The following TENM3 variants were observed in gnomAD, a reference collection of about 807,000 sequenced individuals.
TENM3 encodes teneurin-3.
A neutral mutation model predicts 255.1 loss-of-function variants in TENM3; 63 were observed. The observed-to-expected ratio is 0.25, with a 90% confidence interval of 0.20 to 0.30. TENM3 has a LOEUF of 0.30. Ranked by LOEUF, TENM3 falls within the 10% of genes least tolerant of loss-of-function variation. The pLI, the probability that TENM3 is intolerant of heterozygous loss-of-function variation, is 1.00. For synonymous variants in TENM3, 1,306 were observed against 1,322.3 expected, an observed-to-expected ratio of 0.99 and a Z score of 0.27; for missense variants, 2,929 against 3,461.1, an observed-to-expected ratio of 0.85 and a Z score of 3.86.
chr4:182,501,319 A>G (rs1327882890), intron 3 of TENM3, among the ~76,000 whole-genome samples: 1 of 148,906 alleles, frequency 6.7e-6, no homozygotes, highest in Non-Finnish European at 1.5e-5. Flanking sequence ...AGAAAAATTT[A>G]GAGTTCAAAA....
chr4:182,119,217 G>A, the TENM3 span, among the ~76,000 whole-genome samples: 14 of 152,266 alleles, frequency 9.2e-5, no homozygotes, highest in Non-Finnish European at 1.5e-4. Flanking sequence ...TCCTGAGGGC[G>A]GAACTTGTTA....
chr4:181,582,788 C>T, the TENM3 span, among the ~76,000 whole-genome samples: 1 of 152,138 alleles, frequency 6.6e-6, no homozygotes, highest in Non-Finnish European at 1.5e-5. Flanking sequence ...AAGGACTGCC[C>T]CCTACTGGTA....
At chr4:182,062,460 C>G in the TENM3 span, among the ~76,000 whole-genome samples, 1 of 152,162 alleles carries the variant, frequency 6.6e-6, no homozygotes, top group South Asian at 2.1e-4. Flanking sequence ...TAAAGATTAT[C>G]TTGTTTATTT....
At chr4:182,622,189 G>A (rs552621896) in intron 4 of TENM3, among the ~76,000 whole-genome samples, 20 of 151,612 alleles carry the variant, frequency 1.3e-4, no homozygotes, top group Non-Finnish European at 2.1e-4. Flanking sequence ...ATGAAACCTC[G>A]TCTCTACTAA....
chr4:181,847,474 T>C, the TENM3 span, among the ~76,000 whole-genome samples: 2 of 152,234 alleles, frequency 1.3e-5, no homozygotes, highest in East Asian at 3.9e-4. Context: ...GACCCATATG[T>C]TTTCAGAAAA....
At chr4:181,489,370 G>A in the TENM3 span, among the ~76,000 whole-genome samples, 1 of 152,100 alleles carries the variant, frequency 6.6e-6, no homozygotes, top group Non-Finnish European at 1.5e-5. Context: ...AAGTACGATT[G>A]TATGTGCACA....
At chr4:181,753,693 A>G in the TENM3 span, among the ~76,000 whole-genome samples, 2 of 152,242 alleles carry the variant, frequency 1.3e-5, no homozygotes, top group African/African-American at 2.4e-5. Flanking sequence ...AAAAGACACT[A>G]TGGGTAACAT....
chr4:182,053,096 A>T, the TENM3 span, among the ~76,000 whole-genome samples: 1 of 152,106 alleles, frequency 6.6e-6, no homozygotes, highest in Admixed American at 6.5e-5. Context: ...TGGGACTACA[A>T]GTGAGTGCCA....
chr4:181,967,411 AT>A, the TENM3 span, among the ~76,000 whole-genome samples: 4 of 152,208 alleles, frequency 2.6e-5, no homozygotes, highest in African/African-American at 9.6e-5. Flanking sequence ...AGTAGAGGAT[AT>A]TCAATAAATG....
At chr4:182,016,303 C>T in the TENM3 span, among the ~76,000 whole-genome samples, 1 of 152,188 alleles carries the variant, frequency 6.6e-6, no homozygotes, top group Non-Finnish European at 1.5e-5. Context: ...AACAGTAAAA[C>T]TTTTTACCCA....
At chr4:182,138,457 G>A in the TENM3 span, among the ~76,000 whole-genome samples, 9,266 of 152,184 alleles carry the variant, frequency 0.061, 366 homozygotes, top group East Asian at 0.14. Context: ...CAGGCTCTGC[G>A]CTTCAGTTGC....
intron 1 of TENM3, among the ~76,000 whole-genome samples, chr4:182,178,687 T>C (rs547104573): frequency 6.6e-6 from 1 of 152,222 alleles, no homozygotes; most frequent in Non-Finnish European, 1.5e-5. Flanking sequence ...TAATTGTTTC[T>C]TAAAAAAATA....
chr4:182,212,049 A>C (rs1755077501), intron 1 of TENM3, among the ~76,000 whole-genome samples: 1 of 152,218 alleles, frequency 6.6e-6, no homozygotes, highest in Admixed American at 6.5e-5. Context: ...AATTAGCAAA[A>C]GCCTATCCAT....
intron 6 of TENM3, among the ~76,000 whole-genome samples, chr4:182,672,304 G>C (rs17261038): frequency 0.32 from 48,993 of 151,992 alleles, 8,450 homozygotes; most frequent in South Asian, 0.46. Flanking sequence ...TCAAAGATCA[G>C]TGTGGTCAGA....
In TENM3 at chr4:182,455,707, G is replaced by A. The variant is rs189239825; in HGVS notation, c.511+108778G>A. On this transcript the variant is annotated intron_variant, in intron 3 of 27. Coordinates refer to ENST00000511685, the MANE Select transcript of TENM3 (RefSeq NM_001080477.4). Reference sequence around the variant, plus strand: ...CTCCCGAGTAGCTGGGATTACAGGCGTGCACCAACACACCCAGCTAATTTT... The same window carrying A: ...CTCCCGAGTAGCTGGGATTACAGGCATGCACCAACACACCCAGCTAATTTT... 2.0e-4 allele frequency among the ~76,000 whole-genome samples: 30 copies of A among 151,832 alleles called. No homozygotes were observed. In the East Asian group the frequency reaches 3.7e-3, roughly 19 times the overall value.
chr4:182,067,435 C>T, the TENM3 span, among the ~76,000 whole-genome samples: 1 of 152,136 alleles, frequency 6.6e-6, no homozygotes, highest in Non-Finnish European at 1.5e-5. Context: ...AAAGACATTA[C>T]TGCGTGTATT....
At chr4:182,343,263 T>C (rs1467190379) in intron 2 of TENM3, among the ~76,000 whole-genome samples, 1 of 152,220 alleles carries the variant, frequency 6.6e-6, no homozygotes, top group African/African-American at 2.4e-5. Flanking sequence ...ATTTATTGTT[T>C]TGGTCCTGTT....
chr4:181,867,935 G>A, the TENM3 span, among the ~76,000 whole-genome samples: 1 of 151,858 alleles, frequency 6.6e-6, no homozygotes, highest in African/African-American at 2.4e-5. Context: ...TAGATGTTCT[G>A]GTATATTTTC....
At chr4:181,807,297 G>T in the TENM3 span, among the ~76,000 whole-genome samples, 1 of 152,140 alleles carries the variant, frequency 6.6e-6, no homozygotes, top group South Asian at 2.1e-4. Flanking sequence ...AAATTAAAAA[G>T]AAATAACGTA....
Sources: allele counts gnomAD v4.1 joint callset (sites outside exome capture counted in the v4.1 genomes callset), GRCh38; gene constraint gnomAD v4.1.1; transcripts MANE v1.5; gene names NCBI Gene and HGNC (gene_info 2026-07-23, HGNC 2026-07-21).